PABIR3: variants seen among roughly 807,000 people sequenced by gnomAD.
The protein encoded by PABIR3 is PABIR family member 3.
PABIR3 carries 20 observed loss-of-function variants against 23.1 expected under a neutral mutation model. The ratio of observed to expected loss-of-function variants is 0.86; its 90% CI spans 0.61 to 1.26. The LOEUF is 1.26. Ranked by LOEUF, PABIR3 falls within the 50% of genes most tolerant of loss-of-function variation. PABIR3 has a pLI of 0.00. For synonymous variants in PABIR3, 69 were observed against 68.5 expected (o/e 1.01, Z -0.04); for missense variants, 189 against 195.4 (o/e 0.97, Z 0.20).
chrX:134,849,173 T>A lies in PABIR3; in HGVS notation c.534T>A (p.Ser178Arg). ...PSPMQQYIIRSQNPTNIIRPS... is the reference protein window; with the variant it reads ...PSPMQQYIIRRQNPTNIIRPS... ...CATGATGATTTTATTTTAGAAGAAG[T>A]CAAAATCCTACCAACATTATTAGAC... Residue 178 changes from serine to arginine, a missense_variant, in exon 9 of 11, where the codon AGT becomes AGA. Physicochemically the swap from Ser to Arg is moderately radical, Grantham distance 110. Transcript: ENST00000645433. 1.0e-6 allele frequency: 1 copy of A among 991,332 alleles called. No homozygotes were observed. The highest frequency in any genetic ancestry group is 1.3e-6 in the Non-Finnish European group (1 of 777,691). 81.7% of individuals were successfully genotyped at this position (991,332 alleles called of 1,213,427 possible).
intron 8 of PABIR3, 43 bp from the exon 9 acceptor site, chrX:134,849,123 GT>G: frequency 1.4e-6 from 1 of 724,992 alleles, no homozygotes; most frequent in Admixed American, 5.4e-5. Context: ...TGTTGATTTT[GT>G]TAAAAAAAAT....
At chrX:134,855,252 G>A (rs1393941342), downstream of PABIR3, among the ~76,000 whole-genome samples, 1 of 109,973 alleles carries the variant, frequency 9.1e-6, no homozygotes, top group Non-Finnish European at 1.9e-5. Flanking sequence ...GGCTAACATG[G>A]TGAAACCCCG....
downstream of PABIR3, among the ~76,000 whole-genome samples, chrX:134,855,925 T>C (rs2082747416): frequency 9.0e-6 from 1 of 111,564 alleles, no homozygotes; most frequent in Non-Finnish European, 1.9e-5. Flanking sequence ...GGGCCCCTCA[T>C]GGAATGAGGT....
At chrX:134,837,895 A>G (rs906810772) in intron 4 of PABIR3, among the ~76,000 whole-genome samples, 1 of 112,358 alleles carries the variant, frequency 8.9e-6, no homozygotes, top group Non-Finnish European at 1.9e-5. Flanking sequence ...ATAATATTAA[A>G]TTGAAGAACT....
the PABIR3 span, among the ~76,000 whole-genome samples, chrX:134,861,939 T>C: frequency 9.1e-6 from 1 of 110,156 alleles, no homozygotes; most frequent in Non-Finnish European, 1.9e-5. Context: ...GCTTGTGGGA[T>C]TGATGTTATA....
chrX:134,825,828 C>CTT (rs61066719), intron 3 of PABIR3, among the ~76,000 whole-genome samples: 21 of 73,815 alleles, frequency 2.8e-4, no homozygotes, highest in South Asian at 7.3e-4. Context: ...ACGCCCGGAT[C>CTT]TTTTTTTTTT....
intron 3 of PABIR3, among the ~76,000 whole-genome samples, chrX:134,828,326 A>G (rs1352010978): frequency 1.8e-5 from 2 of 110,625 alleles, no homozygotes; most frequent in Non-Finnish European, 3.8e-5. Flanking sequence ...CCTGGCCTCA[A>G]GTGATCTGCC....
intron 4 of PABIR3, among the ~76,000 whole-genome samples, chrX:134,843,570 T>C (rs1310184765): frequency 1.1e-5 from 1 of 88,733 alleles, no homozygotes; most frequent in Non-Finnish European, 2.2e-5. Context: ...TTCTTTTTTT[T>C]TTTTTTTTTT....
chrX:134,819,266 C>G (rs904857912), intron 3 of PABIR3, among the ~76,000 whole-genome samples: 2 of 111,169 alleles, frequency 1.8e-5, no homozygotes, highest in Admixed American at 9.6e-5. Context: ...CATAACATTC[C>G]TTAGGAATTC....
At chrX:134,849,715 T>G (rs2082556205) in intron 9 of PABIR3, among the ~76,000 whole-genome samples, 2 of 110,063 alleles carry the variant, frequency 1.8e-5, no homozygotes, top group African/African-American at 6.6e-5. Flanking sequence ...ATGGGAGTTA[T>G]TTTTGGTTAA....
At chrX:134,825,293 A>G (rs1174491857) in intron 3 of PABIR3, among the ~76,000 whole-genome samples, 2 of 112,155 alleles carry the variant, frequency 1.8e-5, no homozygotes, top group Admixed American at 9.5e-5. Flanking sequence ...GATGTATTCT[A>G]GAGTGTTTGA....
chrX:134,841,301 A>G (rs2082223003), intron 4 of PABIR3, among the ~76,000 whole-genome samples: 1 of 110,936 alleles, frequency 9.0e-6, no homozygotes, highest in Non-Finnish European at 1.9e-5. Flanking sequence ...CCACTCTTCT[A>G]TTATGGACTA....
chrX:134,832,467 T>C (rs1349934483), intron 4 of PABIR3, among the ~76,000 whole-genome samples: 2 of 84,786 alleles, frequency 2.4e-5, no homozygotes, highest in Non-Finnish European at 4.4e-5. Context: ...AGTGGCGCCA[T>C]CTCAGCTCAC....
chrX:134,811,098 AC>A, intron 2 of PABIR3: 1 of 746,009 alleles, frequency 1.3e-6, no homozygotes, highest in South Asian at 6.8e-5. Flanking sequence ...TTTCATATCA[AC>A]TCTTTAATAC....
chrX:134,814,502 A>G (rs985933330), intron 2 of PABIR3, among the ~76,000 whole-genome samples: 1 of 111,433 alleles, frequency 9.0e-6, no homozygotes, highest in Non-Finnish European at 1.9e-5. Context: ...GTTCAAGACC[A>G]GCCTGGCCAA....
At position 134,847,954 on chromosome X, in the gene PABIR3, T is replaced by C; in HGVS notation, c.510T>C (p.Pro170=). The change falls in exon 8 of 11, where the codon CCT becomes CCC. Residue 170 remains proline (P), a synonymous_variant. Coordinates refer to ENST00000645433, the MANE Select transcript of PABIR3 (RefSeq NM_001388447.1). ...CGCCTTCAAGTCCTATTCCCAGTCC[T>C]ATGCAACAATACATCATGTAAGTTT... ...TGSPSSPIPS[P]MQQYIIRSQN... The C allele has an allele frequency of 8.7e-7, 1 of 1,149,161 alleles. No individual in the cohort carries two copies. The highest frequency in any genetic ancestry group is 1.2e-6 in the Non-Finnish European group (1 of 866,887). The allele number at this position is 1,149,161 out of a possible 1,213,427, so 94.7% of individuals were successfully genotyped here.
At chrX:134,821,269 TG>T in intron 3 of PABIR3, 3 of 696,458 alleles carry the variant, frequency 4.3e-6, no homozygotes, top group Non-Finnish European at 5.8e-6. Flanking sequence ...AAAAAAAAAC[TG>T]TTCCCTCACA....
At chrX:134,853,540 G>C (rs1199880162) in intron 10 of PABIR3, among the ~76,000 whole-genome samples, 4 of 111,233 alleles carry the variant, frequency 3.6e-5, no homozygotes, top group Non-Finnish European at 7.5e-5. Flanking sequence ...GTTGGGTTGA[G>C]AGTATTATTG....
intron 8 of PABIR3, among the ~76,000 whole-genome samples, chrX:134,848,623 C>T (rs950990376): frequency 1.1e-4 from 12 of 111,901 alleles, no homozygotes; most frequent in African/African-American, 3.2e-4. Flanking sequence ...TTTTTGTAGA[C>T]TCTAGGATTC....
Sources: gnomAD v4.1 joint callset for allele counts (sites outside exome capture counted in the v4.1 genomes callset) on GRCh38, gnomAD v4.1.1 for gene constraint, MANE v1.5 for transcripts, NCBI Gene and HGNC (gene_info 2026-07-23, HGNC 2026-07-21) for gene names.